ARMC3: variants seen among roughly 807,000 people sequenced by gnomAD.
ARMC3 encodes armadillo repeat containing 3.
Under a neutral mutation model 90.3 loss-of-function variants are expected in ARMC3, and 74 were observed. The observed-to-expected ratio is 0.82, with a 90% CI of 0.68 to 0.99. The LOEUF (loss-of-function observed/expected upper bound fraction) is 0.99, where lower values mean the gene tolerates loss of function less well. Among genes scored for constraint, ARMC3 ranks in the 50% least tolerant of loss-of-function variants. The probability of loss-of-function intolerance (pLI) is 0.00; values close to 1 mark genes in which losing one functional copy is unlikely to be tolerated. For missense variants in ARMC3, 958 were observed against 1,042.8 expected (o/e 0.92, Z 1.12); for synonymous variants, 334 against 361.8 (o/e 0.92, Z 0.87).
At chr10:22,961,376 AC>A (rs1564355080) in intron 6 of ARMC3, 1 of 152,456 alleles carries the variant, frequency 6.6e-6, no homozygotes, top group Admixed American at 6.5e-5. Context: ...GATTACAATG[AC>A]CCCTTGATTG....
At chr10:22,989,014 A>G (rs543950083) in intron 10 of ARMC3, among the ~76,000 whole-genome samples, 118 of 152,282 alleles carry the variant, frequency 7.7e-4, no homozygotes, top group African/African-American at 2.6e-3. Flanking sequence ...TCATTTTCGG[A>G]GAGTTCCATT....
At chr10:23,008,496 CATAATTGCCTTTTA>C (rs1837745753) in intron 15 of ARMC3, 122 bp downstream of exon 15, 1 of 666,100 alleles carries the variant, frequency 1.5e-6, no homozygotes, top group Non-Finnish European at 2.6e-6. Context: ...AATACAATTG[CATAATTGCCTTTTA>C]CATTGCTATG....
At chr10:22,986,440 T>C (rs1836443972) in intron 10 of ARMC3, among the ~76,000 whole-genome samples, 1 of 151,030 alleles carries the variant, frequency 6.6e-6, no homozygotes, top group Non-Finnish European at 1.5e-5. Context: ...TAATCCCAGC[T>C]ACATGGGAGG....
intron 8 of ARMC3, among the ~76,000 whole-genome samples, chr10:22,975,829 TG>T (rs1393213563): frequency 1.3e-5 from 2 of 152,220 alleles, no homozygotes; most frequent in African/African-American, 4.8e-5. Context: ...TTCTTGTTTT[TG>T]TTTCACTTAA....
At chr10:22,944,336 C>A (rs1834441146) in intron 2 of ARMC3, among the ~76,000 whole-genome samples, 1 of 152,044 alleles carries the variant, frequency 6.6e-6, no homozygotes, top group Non-Finnish European at 1.5e-5. Context: ...ATATTTTATC[C>A]ACCATAAACA....
At chr10:23,015,916 G>C (rs751549573) in intron 16 of ARMC3, among the ~76,000 whole-genome samples, 1 of 152,112 alleles carries the variant, frequency 6.6e-6, no homozygotes, top group Non-Finnish European at 1.5e-5. Context: ...TTGTTCCAGT[G>C]CTGGAGATAC....
rs1186208446 is a variant in ARMC3 at position 23,032,869 on chromosome 10, C to A, written c.2255C>A (p.Ala752Glu). The change falls in exon 18 of 19, where the codon GCA (alanine) becomes GAA (glutamate). Residue 752 changes from alanine to glutamate, a missense_variant. Coordinates refer to ENST00000298032, the MANE Select transcript of ARMC3 (RefSeq NM_173081.5). ...EQIEDLAKYV[A>E]EKMGGKIPKE... ...CAATGTAATTGACACAGGTATGTAG[C>A]AGAAAAAATGGGTGGTAAGATTCCA... 1 of 1,611,380 alleles carries A rather than the reference C, an allele frequency of 6.2e-7. No individual in the cohort carries two copies. The highest frequency in any genetic ancestry group is 1.1e-5 in the South Asian group (1 of 90,864).
intron 8 of ARMC3, 140 bp from the exon 9 acceptor site, chr10:22,981,200 G>A: frequency 2.7e-6 from 2 of 734,226 alleles, no homozygotes; most frequent in East Asian, 2.8e-5. Context: ...TTAAATAGTT[G>A]TAGATTTTGT....
At chr10:23,003,525 C>A in intron 13 of ARMC3, 111 bp downstream of exon 13, 1 of 967,422 alleles carries the variant, frequency 1.0e-6, no homozygotes, top group Non-Finnish European at 1.4e-6. Context: ...TATATTTTTA[C>A]AGGCAGAAAC....
intron 18 of ARMC3, 113 bp downstream of exon 18, chr10:23,033,136 G>T (rs1367740066): frequency 9.9e-6 from 10 of 1,011,294 alleles, no homozygotes; most frequent in Non-Finnish European, 1.5e-5. Context: ...CTACCATTTA[G>T]ATTTATTTAT....
At chr10:23,011,008 C>T (rs577104363) in intron 16 of ARMC3, among the ~76,000 whole-genome samples, 100 of 141,032 alleles carry the variant, frequency 7.1e-4, no homozygotes, top group Non-Finnish European at 1.0e-3. Context: ...TCCTTCCCTT[C>T]CCTCCTCTCT....
intron 12 of ARMC3, among the ~76,000 whole-genome samples, chr10:23,002,334 A>G (rs1837336973): frequency 6.6e-6 from 1 of 152,186 alleles, no homozygotes; most frequent in South Asian, 2.1e-4. Context: ...TTCTTCTGCT[A>G]CTGCCAAACA....
Position 22,932,025 on chromosome 10 carries a change from A to G in ARMC3, c.29A>G (p.Glu10Gly), listed in dbSNP as rs781128825. 1 of 1,604,342 alleles carries G rather than the reference A, an allele frequency of 6.2e-7. No homozygotes were observed. The change falls in exon 2 of 19, where the codon GAG (glutamate) becomes GGG (glycine). Residue 10 changes from glutamate to glycine, a missense_variant. Coordinates refer to ENST00000298032, the MANE Select transcript of ARMC3 (RefSeq NM_173081.5). Reference protein sequence around the residue: MGKKIKKEVEPPPKDVFDPL... With the variant: MGKKIKKEVGPPPKDVFDPL... The stretch of plus-strand genomic sequence containing the variant: ...GGTAAAAAGATAAAGAAGGAAGTAG[A>G]GCCTCCTCCTAAGGATGTGGTAAGT...
At chr10:23,010,422 A>G (rs868142634) in intron 16 of ARMC3, among the ~76,000 whole-genome samples, 2 of 6,950 alleles carry the variant, frequency 2.9e-4, no homozygotes, top group African/African-American at 5.5e-4. Flanking sequence ...TTTCCCTCCC[A>G]CCCCTTCCCT....
At chr10:22,970,015 C>T (rs920909006) in intron 8 of ARMC3, among the ~76,000 whole-genome samples, 1 of 152,120 alleles carries the variant, frequency 6.6e-6, no homozygotes, top group African/African-American at 2.4e-5. Context: ...ACTATAACTT[C>T]TCCAGAACAA....
chr10:22,981,794 A>G, intron 10 of ARMC3, 94 bp downstream of exon 10: 3 of 1,076,402 alleles, frequency 2.8e-6, no homozygotes, highest in South Asian at 1.4e-5. Flanking sequence ...ACGATAGTCT[A>G]TGAATTTCTT....
chr10:22,984,892 A>T (rs1278957957), intron 10 of ARMC3, among the ~76,000 whole-genome samples: 5 of 150,102 alleles, frequency 3.3e-5, no homozygotes, highest in Non-Finnish European at 5.9e-5. Context: ...TTTTTTTTTT[A>T]GACAGGGTGT....
At chr10:22,997,610 A>T (rs1837049089) in intron 10 of ARMC3, among the ~76,000 whole-genome samples, 1 of 152,224 alleles carries the variant, frequency 6.6e-6, no homozygotes, top group Non-Finnish European at 1.5e-5. Context: ...ACAATTAACA[A>T]CCTAATTTGA....
At chr10:22,997,617 T>C (rs1837050143) in intron 10 of ARMC3, among the ~76,000 whole-genome samples, 1 of 152,212 alleles carries the variant, frequency 6.6e-6, no homozygotes, top group African/African-American at 2.4e-5. Context: ...ACAACCTAAT[T>C]TGAAGAAGAG....
Sources: gnomAD v4.1 joint callset for allele counts (sites outside exome capture counted in the v4.1 genomes callset) on GRCh38, gnomAD v4.1.1 for gene constraint, MANE v1.5 for transcripts, NCBI Gene and HGNC (gene_info 2026-07-23, HGNC 2026-07-21) for gene names.